CTNNA3: variants seen among roughly 807,000 people sequenced by gnomAD.
CTNNA3 encodes the protein catenin alpha-3.
A neutral mutation model predicts 95.7 loss-of-function variants in CTNNA3; 76 were observed. The observed-to-expected ratio is 0.79, with a 90% CI of 0.66 to 0.96. The LOEUF (loss-of-function observed/expected upper bound fraction) is 0.96, where lower values mean the gene tolerates loss of function less well. Ranked by LOEUF, CTNNA3 falls within the 40% of genes least tolerant of loss-of-function variation. The pLI is 0.00. For missense variants in CTNNA3, 1,191 were observed against 1,089.8 expected, an observed-to-expected ratio of 1.09 and a Z score of -1.31; for synonymous variants, 431 against 374.4, an observed-to-expected ratio of 1.15 and a Z score of -1.74.
At chr10:65,936,777 G>A (rs1447787663) in intron 17 of CTNNA3, among the ~76,000 whole-genome samples, 2 of 151,384 alleles carry the variant, frequency 1.3e-5, no homozygotes, top group African/African-American at 2.4e-5. Context: ...AACTTTTCTG[G>A]GCCTCAGTTT....
At chr10:67,330,810 G>T (rs1343090182) in intron 5 of CTNNA3, among the ~76,000 whole-genome samples, 1 of 152,012 alleles carries the variant, frequency 6.6e-6, no homozygotes, top group Non-Finnish European at 1.5e-5. Context: ...GGATAAACTG[G>T]TATTTCACCC....
At chr10:66,578,767 G>A (rs1444097219) in intron 10 of CTNNA3, among the ~76,000 whole-genome samples, 1 of 144,120 alleles carries the variant, frequency 6.9e-6, no homozygotes, top group Non-Finnish European at 1.5e-5. Context: ...GGGGATATTG[G>A]CCTGATATTT....
intron 5 of CTNNA3, among the ~76,000 whole-genome samples, chr10:67,296,402 C>A (rs766217736): frequency 1.3e-5 from 2 of 151,996 alleles, no homozygotes; most frequent in Non-Finnish European, 1.5e-5. Context: ...ATCACTAATG[C>A]CATAAAAAGG....
chr10:66,255,848 T>G (rs1564816593), intron 13 of CTNNA3, among the ~76,000 whole-genome samples: 1 of 152,256 alleles, frequency 6.6e-6, no homozygotes, highest in Non-Finnish European at 1.5e-5. Context: ...CCAGGAGCAC[T>G]CTAAGTTAAT....
chr10:66,837,281 T>C (rs1318333733), intron 7 of CTNNA3, among the ~76,000 whole-genome samples: 1 of 152,134 alleles, frequency 6.6e-6, no homozygotes, highest in African/African-American at 2.4e-5. Flanking sequence ...GACACTCCAT[T>C]TGAACAACAA....
chr10:67,112,226 A>C (rs895136678), intron 7 of CTNNA3, among the ~76,000 whole-genome samples: 3 of 152,162 alleles, frequency 2.0e-5, no homozygotes, highest in Non-Finnish European at 4.4e-5. Context: ...ATCTAAAATC[A>C]TATGCTTCCA....
At chr10:67,022,873 G>T (rs540963320) in intron 7 of CTNNA3, among the ~76,000 whole-genome samples, 1 of 152,274 alleles carries the variant, frequency 6.6e-6, no homozygotes, top group South Asian at 2.1e-4. Context: ...GGGTGGCGGA[G>T]GTTGCAGTGA....
chr10:66,818,505 G>A (rs1015044809), intron 7 of CTNNA3, among the ~76,000 whole-genome samples: 45 of 151,898 alleles, frequency 3.0e-4, no homozygotes, highest in Admixed American at 5.2e-4. Flanking sequence ...AAAATTCCAC[G>A]TACAATGGCA....
chr10:66,336,358 C>A (rs186628112), intron 12 of CTNNA3, among the ~76,000 whole-genome samples: 4 of 152,020 alleles, frequency 2.6e-5, no homozygotes, highest in Non-Finnish European at 5.9e-5. Flanking sequence ...TGTTCCTATC[C>A]GGCCATCTTA....
intron 7 of CTNNA3, among the ~76,000 whole-genome samples, chr10:66,948,729 T>C (rs1016541179): frequency 2.0e-5 from 3 of 152,208 alleles, no homozygotes; most frequent in African/African-American, 7.2e-5. Flanking sequence ...ACATATTAAA[T>C]GATAACAATC....
At chr10:67,226,897 T>C (rs1864943327) in intron 5 of CTNNA3, among the ~76,000 whole-genome samples, 1 of 152,122 alleles carries the variant, frequency 6.6e-6, no homozygotes, top group South Asian at 2.1e-4. Context: ...ATCTCAATAC[T>C]AACACAGAAT....
At chr10:67,193,578 G>A (rs564434370) in intron 6 of CTNNA3, among the ~76,000 whole-genome samples, 5 of 152,126 alleles carry the variant, frequency 3.3e-5, no homozygotes, top group African/African-American at 7.2e-5. Context: ...ACTTATAAAT[G>A]AGAGAATGCA....
intron 7 of CTNNA3, among the ~76,000 whole-genome samples, chr10:66,898,565 T>G (rs1331714586): frequency 6.6e-6 from 1 of 152,022 alleles, no homozygotes; most frequent in Non-Finnish European, 1.5e-5. Flanking sequence ...ATACTTAACA[T>G]GAGTGCCAAA....
intron 5 of CTNNA3, among the ~76,000 whole-genome samples, chr10:67,233,560 G>A: frequency 1.4e-5 from 2 of 138,688 alleles, no homozygotes; most frequent in African/African-American, 2.7e-5. Flanking sequence ...GAGAAAGCAG[G>A]AAAGATCCAA....
chr10:67,728,389 G>GTTAT (rs986895739), intron 1 of CTNNA3, among the ~76,000 whole-genome samples: 1 of 148,890 alleles, frequency 6.7e-6, no homozygotes, highest in African/African-American at 2.4e-5. Context: ...GGAGGTGGAG[G>GTTAT]TTATATATAT....
intron 5 of CTNNA3, among the ~76,000 whole-genome samples, chr10:67,462,936 G>A (rs1351840084): frequency 1.4e-5 from 2 of 146,884 alleles, no homozygotes; most frequent in African/African-American, 2.5e-5. Context: ...ATGGAGTCTC[G>A]CTCTGTCACC....
chr10:66,278,554 A>G (rs2091439065), intron 13 of CTNNA3, among the ~76,000 whole-genome samples: 1 of 152,102 alleles, frequency 6.6e-6, no homozygotes. Context: ...GGACCACTGT[A>G]TATGAGGAAT....
intron 7 of CTNNA3, among the ~76,000 whole-genome samples, chr10:67,100,083 T>C (rs1858252181): frequency 6.6e-6 from 1 of 151,824 alleles, no homozygotes; most frequent in African/African-American, 2.4e-5. Context: ...TAAATAGGTT[T>C]ATCTACTAAT....
intron 5 of CTNNA3, among the ~76,000 whole-genome samples, chr10:67,374,379 C>T (rs996031840): frequency 6.6e-6 from 1 of 151,752 alleles, no homozygotes; most frequent in Non-Finnish European, 1.5e-5. Flanking sequence ...TCAGTTGAAC[C>T]TTGAAAGGTA....
Sources: allele counts gnomAD v4.1 joint callset (sites outside exome capture counted in the v4.1 genomes callset), GRCh38; gene constraint gnomAD v4.1.1; transcripts MANE v1.5; gene names NCBI Gene and HGNC (gene_info 2026-07-23, HGNC 2026-07-21).